The following SHTN1 variants were observed in gnomAD, a reference collection of about 807,000 sequenced individuals.
SHTN1 encodes shootin-1.
Under a neutral mutation model 83.1 loss-of-function variants are expected in SHTN1, and 42 were observed. The observed-to-expected ratio is 0.51, with a 90% CI of 0.39 to 0.65. The LOEUF (loss-of-function observed/expected upper bound fraction) is 0.65, where lower values mean the gene tolerates loss of function less well. SHTN1 is among the 30% of genes least tolerant of loss of function. SHTN1 has a pLI of 0.00. For missense variants in SHTN1, 622 were observed against 737.8 expected, an observed-to-expected ratio of 0.84 and a Z score of 1.82; for synonymous variants, 224 against 247.7, an observed-to-expected ratio of 0.90 and a Z score of 0.90.
At chr10:116,989,261 A>C (rs779705053) in intron 1 of SHTN1, among the ~76,000 whole-genome samples, 33 of 152,190 alleles carry the variant, frequency 2.2e-4, no homozygotes, top group Non-Finnish European at 3.8e-4. Flanking sequence ...ACTAATATTG[A>C]TACACTGCTA....
intron 1 of SHTN1, among the ~76,000 whole-genome samples, chr10:117,051,999 C>CATATATATATATATATAATATAT (rs1852748813): frequency 2.9e-5 from 1 of 34,116 alleles, no homozygotes; most frequent in African/African-American, 8.4e-5. Flanking sequence ...ATGACATAAT[C>CATATATATATATATATAATATAT]ATATATATAT....
At chr10:116,995,386 G>C (rs1446455429) in intron 1 of SHTN1, among the ~76,000 whole-genome samples, 2 of 152,018 alleles carry the variant, frequency 1.3e-5, no homozygotes, top group East Asian at 3.9e-4. Context: ...TAATTACATG[G>C]GACTAACATG....
intron 1 of SHTN1, among the ~76,000 whole-genome samples, chr10:117,125,005 C>T (rs1003802310): frequency 6.6e-6 from 1 of 152,126 alleles, no homozygotes; most frequent in African/African-American, 2.4e-5. Context: ...ATGACCTGCC[C>T]AGGCTAAGAA....
intron 9 of SHTN1, among the ~76,000 whole-genome samples, chr10:116,931,552 A>G (rs928190016): frequency 6.6e-6 from 1 of 152,184 alleles, no homozygotes; most frequent in Non-Finnish European, 1.5e-5. Context: ...CCTGGCCTGA[A>G]GTATTCTTTA....
At chr10:117,011,657 C>T (rs528119401) in intron 2 of SHTN1, among the ~76,000 whole-genome samples, 2 of 152,234 alleles carry the variant, frequency 1.3e-5, no homozygotes, top group Admixed American at 1.3e-4. Context: ...GTATTCCATA[C>T]ACCAGCAATG....
chr10:117,092,305 A>G (rs1853442551), intron 1 of SHTN1, among the ~76,000 whole-genome samples: 1 of 152,186 alleles, frequency 6.6e-6, no homozygotes, highest in Admixed American at 6.5e-5. Flanking sequence ...AGCAAACTCT[A>G]GTTTGGGTAA....
intron 6 of SHTN1, among the ~76,000 whole-genome samples, chr10:116,951,426 A>C (rs1849773787): frequency 6.6e-6 from 1 of 152,312 alleles, no homozygotes; most frequent in East Asian, 1.9e-4. Context: ...TCTTGTCTCA[A>C]ACAAAACAAA....
chr10:117,000,953 T>C (rs1851804575), intron 1 of SHTN1, among the ~76,000 whole-genome samples: 1 of 152,216 alleles, frequency 6.6e-6, no homozygotes, highest in African/African-American at 2.4e-5. Flanking sequence ...TCAATGCATG[T>C]GGGCTGAATG....
chr10:117,065,732 G>GA (rs75549889), intron 1 of SHTN1, among the ~76,000 whole-genome samples: 504 of 7,326 alleles, frequency 0.069, 73 homozygotes, highest in Non-Finnish European at 0.15. Flanking sequence ...AGAGATGAAA[G>GA]AAAGAAAGAA....
intron 1 of SHTN1, among the ~76,000 whole-genome samples, chr10:117,081,163 C>T (rs978430171): frequency 6.7e-6 from 1 of 148,780 alleles, no homozygotes; most frequent in African/African-American, 2.5e-5. Context: ...ATGATATTGG[C>T]TGTGGGTTTG....
At chr10:116,992,403 T>A (rs1157370029) in intron 1 of SHTN1, among the ~76,000 whole-genome samples, 2 of 152,196 alleles carry the variant, frequency 1.3e-5, no homozygotes, top group South Asian at 4.1e-4. Flanking sequence ...CTAAAAGCAA[T>A]TCAAAGCCCA....
At chr10:117,077,347 G>C (rs1265796873) in intron 1 of SHTN1, among the ~76,000 whole-genome samples, 2 of 152,162 alleles carry the variant, frequency 1.3e-5, no homozygotes, top group African/African-American at 2.4e-5. Flanking sequence ...TATGTGTGTG[G>C]AGAATAACTC....
chr10:117,093,072 T>C (rs1564956977), intron 1 of SHTN1, among the ~76,000 whole-genome samples: 1 of 152,188 alleles, frequency 6.6e-6, no homozygotes, highest in Admixed American at 6.5e-5. Flanking sequence ...TAAATGTCAG[T>C]AGTAGTCATT....
chr10:116,973,885 A>G (rs1257226237), intron 2 of SHTN1: 3 of 1,285,884 alleles, frequency 2.3e-6, no homozygotes, highest in Non-Finnish European at 3.0e-6. Context: ...ATACAATGAA[A>G]GGACCATCAA....
chr10:117,046,553 T>C (rs1417496703), intron 2 of SHTN1, among the ~76,000 whole-genome samples: 5 of 152,138 alleles, frequency 3.3e-5, no homozygotes, highest in Non-Finnish European at 5.9e-5. Context: ...AAAACATATG[T>C]ACACACAAAA....
At chr10:117,112,864 A>G (rs568660419) in intron 1 of SHTN1, among the ~76,000 whole-genome samples, 3 of 152,372 alleles carry the variant, frequency 2.0e-5, no homozygotes, top group African/African-American at 7.2e-5. Flanking sequence ...ATAGTTACAT[A>G]TATGATTTAT....
At position 116,935,341 on chromosome 10, in the gene SHTN1, C is replaced by T. The variant is rs1004223655; in HGVS notation, c.858+5125G>A. ...CTTATTATTTTGAGATAAGTTCCATCAATATCTAGTTTACTAAGACTTTTT... is the reference window on the plus strand; with the variant it reads ...CTTATTATTTTGAGATAAGTTCCATTAATATCTAGTTTACTAAGACTTTTT... On this transcript the variant is annotated intron_variant, in intron 9 of 16. Coordinates refer to ENST00000355371, the MANE Select transcript of SHTN1 (RefSeq NM_001127211.3). Among the ~76,000 whole-genome samples the T allele has an allele frequency of 2.0e-5, 3 of 152,306 alleles. No homozygotes were observed. The East Asian group carries it at 5.8e-4, about 29-fold the overall frequency.
chr10:117,007,454 T>G (rs1852037302), upstream of SHTN1, among the ~76,000 whole-genome samples: 1 of 150,158 alleles, frequency 6.7e-6, no homozygotes, highest in Non-Finnish European at 1.5e-5. Flanking sequence ...TGCGGCCTCT[T>G]GCAATTAATC....
intron 2 of SHTN1, among the ~76,000 whole-genome samples, chr10:117,013,410 G>C (rs1852136687): frequency 6.6e-6 from 1 of 152,156 alleles, no homozygotes; most frequent in South Asian, 2.1e-4. Context: ...TTGATCTCAG[G>C]TGATCTGCCC....
Sources: gnomAD v4.1 joint callset for allele counts (sites outside exome capture counted in the v4.1 genomes callset) on GRCh38, gnomAD v4.1.1 for gene constraint, MANE v1.5 for transcripts, NCBI Gene and HGNC (gene_info 2026-07-23, HGNC 2026-07-21) for gene names.